Variants in PAPPA2 observed in about 807,000 individuals in gnomAD.
PAPPA2 encodes the protein pappalysin 2, also known as pappalysin-2.
PAPPA2 carries 86 observed loss-of-function variants against 176.4 expected under a neutral mutation model. The ratio of observed to expected loss-of-function variants is 0.49; its 90% CI spans 0.41 to 0.58. The LOEUF is 0.58. Among genes scored for constraint, PAPPA2 ranks in the 20% least tolerant of loss-of-function variants. The pLI, the probability that PAPPA2 is intolerant of heterozygous loss-of-function variation, is 0.00. For synonymous variants in PAPPA2, 809 were observed against 852.2 expected, an observed-to-expected ratio of 0.95 and a Z score of 0.88; for missense variants, 2,073 against 2,256.9, an observed-to-expected ratio of 0.92 and a Z score of 1.65.
At chr1:176,811,642 C>T (rs1000209776) in intron 21 of PAPPA2, among the ~76,000 whole-genome samples, 3 of 152,100 alleles carry the variant, frequency 2.0e-5, no homozygotes, top group Non-Finnish European at 4.4e-5. Flanking sequence ...TGAAAATTTG[C>T]TTAAGTTGGA....
intron 12 of PAPPA2, among the ~76,000 whole-genome samples, chr1:176,713,006 A>G (rs1412897154): frequency 6.6e-6 from 1 of 152,100 alleles, no homozygotes; most frequent in Non-Finnish European, 1.5e-5. Flanking sequence ...TCAATTTTCC[A>G]TTGAGTTGTC....
chr1:176,467,086 T>C (rs1193874242), intron 1 of PAPPA2, among the ~76,000 whole-genome samples: 2 of 152,186 alleles, frequency 1.3e-5, no homozygotes, highest in Non-Finnish European at 2.9e-5. Context: ...CTACACTGTA[T>C]AGTCTACTAT....
chr1:176,479,261 C>A (rs1019967433), intron 1 of PAPPA2, among the ~76,000 whole-genome samples: 3 of 152,086 alleles, frequency 2.0e-5, no homozygotes, highest in African/African-American at 7.2e-5. Context: ...AAGGCAGCAG[C>A]GTTAGAACCA....
chr1:176,681,435 A>C lies in PAPPA2; in HGVS notation c.2138-8702A>C, dbSNP rs531429229. On this transcript the variant is annotated intron_variant, in intron 4 of 22. Coordinates refer to ENST00000367662, the MANE Select transcript of PAPPA2 (RefSeq NM_020318.3). The stretch of plus-strand genomic sequence containing the variant: ...TTTAAACATAAGGGATCTTCAGATG[A>C]GTCCAGATGAAGTGATTCTTGACTG... 3.3e-5 allele frequency among the ~76,000 whole-genome samples: 5 copies of C among 152,300 alleles called. No individual in the cohort carries two copies. The South Asian group carries it at 1.0e-3, about 32-fold the overall frequency.
chr1:176,735,677 A>AATCTATCTATCT (rs55758426), intron 12 of PAPPA2, among the ~76,000 whole-genome samples: 12 of 144,382 alleles, frequency 8.3e-5, no homozygotes, highest in East Asian at 4.2e-4. Flanking sequence ...CATCTCTCAG[A>AATCTATCTATCT]ATCTATCTAT....
At chr1:176,769,909 T>C in intron 16 of PAPPA2, 125 bp downstream of exon 16, 1 of 1,082,478 alleles carries the variant, frequency 9.2e-7, no homozygotes, top group Non-Finnish European at 1.3e-6. Flanking sequence ...CACCATCTTC[T>C]GATAACTCCA....
chr1:176,590,610 C>G (rs1289269336), intron 2 of PAPPA2, among the ~76,000 whole-genome samples: 1 of 152,172 alleles, frequency 6.6e-6, no homozygotes, highest in African/African-American at 2.4e-5. Flanking sequence ...TTAATTCTCA[C>G]AACAACCTCA....
At chr1:176,467,978 G>T (rs566760655) in intron 1 of PAPPA2, among the ~76,000 whole-genome samples, 1 of 152,188 alleles carries the variant, frequency 6.6e-6, no homozygotes, top group Non-Finnish European at 1.5e-5. Flanking sequence ...GCTGGCTGGG[G>T]AGAGTAAGAG....
intron 3 of PAPPA2, chr1:176,616,342 C>T (rs1417657051): frequency 1.8e-6 from 1 of 561,828 alleles, no homozygotes; most frequent in Non-Finnish European, 3.5e-6. Context: ...TGATACTTCT[C>T]CAAATACAAA....
chr1:176,532,145 C>G (rs1360264904), intron 1 of PAPPA2, among the ~76,000 whole-genome samples: 1 of 152,164 alleles, frequency 6.6e-6, no homozygotes, highest in Non-Finnish European at 1.5e-5. Context: ...TTTAATAGCC[C>G]TGCTCCCTCT....
intron 3 of PAPPA2, among the ~76,000 whole-genome samples, chr1:176,654,830 C>G (rs537342144): frequency 1.3e-5 from 2 of 151,722 alleles, no homozygotes; most frequent in South Asian, 4.2e-4. Context: ...ATTTTCATAG[C>G]TATTGTCATT....
intron 1 of PAPPA2, among the ~76,000 whole-genome samples, chr1:176,486,257 G>A (rs1652640660): frequency 6.6e-6 from 1 of 152,140 alleles, no homozygotes; most frequent in South Asian, 2.1e-4. Context: ...GCATGTTTTG[G>A]AGTGGCATAT....
chr1:176,706,314 A>ATT (rs1448668849), intron 9 of PAPPA2, 45 bp from the exon 10 acceptor site: 6 of 1,532,394 alleles, frequency 3.9e-6, no homozygotes, highest in Non-Finnish European at 4.5e-6. Flanking sequence ...AAACAAGAAA[A>ATT]TTTGTGTGTA....
intron 1 of PAPPA2, among the ~76,000 whole-genome samples, chr1:176,529,770 C>CT (rs3215524): frequency 6.8e-5 from 10 of 147,394 alleles, no homozygotes; most frequent in Admixed American, 1.4e-4. Context: ...CCATCACCAG[C>CT]TTTTTTTTTT....
At chr1:176,733,869 G>A (rs1288415286) in intron 12 of PAPPA2, among the ~76,000 whole-genome samples, 4 of 152,088 alleles carry the variant, frequency 2.6e-5, no homozygotes, top group East Asian at 1.9e-4. Flanking sequence ...AACAGCCCCC[G>A]GCAGGTGTCA....
At chr1:176,763,909 A>G (rs1663810362) in intron 14 of PAPPA2, among the ~76,000 whole-genome samples, 1 of 152,202 alleles carries the variant, frequency 6.6e-6, no homozygotes, top group Non-Finnish European at 1.5e-5. Context: ...GGTAATTTAT[A>G]AAGAAAAGAG....
At chr1:176,792,578 A>G (rs1665228279) in intron 19 of PAPPA2, among the ~76,000 whole-genome samples, 1 of 152,190 alleles carries the variant, frequency 6.6e-6, no homozygotes, top group African/African-American at 2.4e-5. Context: ...AGAGGAATGT[A>G]GTTCTTTTGA....
intron 17 of PAPPA2, among the ~76,000 whole-genome samples, chr1:176,787,007 G>A (rs1243745053): frequency 1.3e-5 from 2 of 151,900 alleles, no homozygotes; most frequent in African/African-American, 4.8e-5. Context: ...GAAATAATCT[G>A]TACACCAAAC....
At chr1:176,740,918 C>CTTACTTGT (rs2102874925) in intron 14 of PAPPA2, among the ~76,000 whole-genome samples, 1 of 152,196 alleles carries the variant, frequency 6.6e-6, no homozygotes, top group African/African-American at 2.4e-5. Context: ...GGTGAGATCG[C>CTTACTTGT]TTACTTGTTA....
Sources: allele counts gnomAD v4.1 joint callset (sites outside exome capture counted in the v4.1 genomes callset), GRCh38; gene constraint gnomAD v4.1.1; transcripts MANE v1.5; gene names NCBI Gene and HGNC (gene_info 2026-07-23, HGNC 2026-07-21).